Variants in TRPC4 observed in about 807,000 individuals in gnomAD.
TRPC4 encodes the protein transient receptor potential cation channel subfamily C member 4.
Under a neutral mutation model 99.4 loss-of-function variants are expected in TRPC4, and 49 were observed. The observed-to-expected ratio is 0.49, with a 90% CI of 0.39 to 0.63. The LOEUF is 0.63. TRPC4 is among the 20% of genes least tolerant of loss of function. The probability of loss-of-function intolerance (pLI) is 0.00; values close to 1 mark genes in which losing one functional copy is unlikely to be tolerated. For missense variants in TRPC4, 898 were observed against 1,152.9 expected (o/e 0.78, Z 3.20); for synonymous variants, 454 against 425.9 (o/e 1.07, Z -0.81).
At chr13:37,745,086 G>A (rs1955698544) in intron 3 of TRPC4, among the ~76,000 whole-genome samples, 1 of 152,026 alleles carries the variant, frequency 6.6e-6, no homozygotes, top group Non-Finnish European at 1.5e-5. Flanking sequence ...TTTATAATAA[G>A]TATTTACTGA....
intron 3 of TRPC4, among the ~76,000 whole-genome samples, chr13:37,725,115 G>A (rs950925890): frequency 2.0e-5 from 3 of 151,940 alleles, no homozygotes; most frequent in South Asian, 2.1e-4. Flanking sequence ...AAAAACAGTC[G>A]ATTCGAAAGC....
chr13:37,662,743 A>G (rs1260349939), intron 6 of TRPC4, among the ~76,000 whole-genome samples: 1 of 152,226 alleles, frequency 6.6e-6, no homozygotes, highest in East Asian at 1.9e-4. Flanking sequence ...GGACAGATAT[A>G]TAGAGGAATA....
intron 3 of TRPC4, among the ~76,000 whole-genome samples, chr13:37,729,275 G>A (rs1292476344): frequency 6.6e-6 from 1 of 152,040 alleles, no homozygotes; most frequent in Non-Finnish European, 1.5e-5. Flanking sequence ...AAACTACAAT[G>A]AGATGCACCC....
chr13:37,783,832 T>C (rs1956905838), intron 1 of TRPC4, among the ~76,000 whole-genome samples: 1 of 152,088 alleles, frequency 6.6e-6, no homozygotes, highest in Non-Finnish European at 1.5e-5. Flanking sequence ...TGCAAAATAT[T>C]GTTAATTTGT....
At chr13:37,646,505 G>T (rs997877612) in intron 8 of TRPC4, among the ~76,000 whole-genome samples, 2 of 152,134 alleles carry the variant, frequency 1.3e-5, no homozygotes, top group Non-Finnish European at 2.9e-5. Context: ...GAATTAAATG[G>T]ATCGGGACCT....
At chr13:37,764,812 GC>G (rs1343269883) in intron 2 of TRPC4, among the ~76,000 whole-genome samples, 10 of 88,856 alleles carry the variant, frequency 1.1e-4, no homozygotes, top group Non-Finnish European at 1.9e-4. Context: ...TTTATCAAAT[GC>G]TTTTTTTTTT....
At chr13:37,823,612 T>G (rs990478562) in intron 1 of TRPC4, among the ~76,000 whole-genome samples, 2 of 151,938 alleles carry the variant, frequency 1.3e-5, no homozygotes, top group Non-Finnish European at 2.9e-5. Context: ...GAGGGCTCTG[T>G]TCTGTTCCAT....
chr13:37,663,363 G>T, intron 6 of TRPC4, 53 bp downstream of exon 6: 1 of 1,510,460 alleles, frequency 6.6e-7, no homozygotes. Context: ...TTGTGATGTG[G>T]TGCACTCTAA....
intron 1 of TRPC4, among the ~76,000 whole-genome samples, chr13:37,798,252 T>A (rs1046462326): frequency 6.6e-6 from 1 of 152,152 alleles, no homozygotes; most frequent in African/African-American, 2.4e-5. Context: ...AGCTATGAAC[T>A]ACATAGTAGA....
chr13:37,842,622 C>T (rs1418152825), intron 1 of TRPC4, among the ~76,000 whole-genome samples: 4 of 152,110 alleles, frequency 2.6e-5, no homozygotes, highest in Non-Finnish European at 5.9e-5. Context: ...TAGATGGCAC[C>T]TTCTTGCTGT....
chr13:37,770,740 T>C (rs560293826), intron 2 of TRPC4, among the ~76,000 whole-genome samples: 2 of 151,582 alleles, frequency 1.3e-5, no homozygotes, highest in Non-Finnish European at 3.0e-5. Context: ...ATTTTTAAAG[T>C]TTAAGCATTT....
chr13:37,806,555 A>G (rs1957533983), intron 1 of TRPC4, among the ~76,000 whole-genome samples: 1 of 152,060 alleles, frequency 6.6e-6, no homozygotes. Flanking sequence ...TTGCAACCAT[A>G]TATGCTGGGC....
chr13:37,669,850 C>A (rs999166454), intron 5 of TRPC4, among the ~76,000 whole-genome samples: 2 of 152,068 alleles, frequency 1.3e-5, no homozygotes, highest in Non-Finnish European at 2.9e-5. Context: ...AAATAAAGAT[C>A]TTTCTTGCAA....
intron 1 of TRPC4, among the ~76,000 whole-genome samples, chr13:37,862,896 G>A (rs965933059): frequency 1.3e-5 from 2 of 151,256 alleles, no homozygotes; most frequent in African/African-American, 4.8e-5. Flanking sequence ...AACATTTTGG[G>A]CAACAATGAA....
chr13:37,825,652 T>G (rs1359189573), intron 1 of TRPC4, among the ~76,000 whole-genome samples: 1 of 142,858 alleles, frequency 7.0e-6, no homozygotes, highest in African/African-American at 2.6e-5. Context: ...TTGTTATAAT[T>G]TCTGTTCTTT....
chr13:37,649,365 C>A (rs1951946756), intron 8 of TRPC4, among the ~76,000 whole-genome samples: 1 of 152,040 alleles, frequency 6.6e-6, no homozygotes, highest in Non-Finnish European at 1.5e-5. Context: ...GGAACCCATG[C>A]CTTCGTACCT....
At position 37,637,383 on chromosome 13, in the gene TRPC4, G is replaced by A; in HGVS notation, c.2454C>T (p.Ser818=). 1 of 1,613,592 alleles carries A rather than the reference G, an allele frequency of 6.2e-7. No homozygotes were observed. The highest frequency in any genetic ancestry group is 8.5e-7 in the Non-Finnish European group (1 of 1,179,868). Residue 818 remains serine, a synonymous_variant, in exon 11 of 11, where the codon AGC becomes AGT. Transcript: ENST00000379705. ...CCTGAACCACCAGGGCAGAGCCATT[G>A]CTTATGTTATGTCTTTCAGAGGCAA... ...AAIASERHNI[S]NGSALVVQEP... is the part of the protein sequence containing the mutation.
chr13:37,711,583 C>T (rs1277547390), intron 3 of TRPC4, among the ~76,000 whole-genome samples: 3 of 151,842 alleles, frequency 2.0e-5, no homozygotes, highest in Non-Finnish European at 4.4e-5. Context: ...TTTTCACTAC[C>T]ATTCAAGATA....
At chr13:37,799,302 A>G (rs1957336596) in intron 1 of TRPC4, among the ~76,000 whole-genome samples, 1 of 152,170 alleles carries the variant, frequency 6.6e-6, no homozygotes, top group Admixed American at 6.6e-5. Context: ...CAATGCATGT[A>G]GAGCCCAACT....
Sources: gnomAD v4.1 joint callset for allele counts (sites outside exome capture counted in the v4.1 genomes callset) on GRCh38, gnomAD v4.1.1 for gene constraint, MANE v1.5 for transcripts, NCBI Gene and HGNC (gene_info 2026-07-23, HGNC 2026-07-21) for gene names.